PCM1: variants seen among roughly 807,000 people sequenced by gnomAD.
The protein encoded by PCM1 is pericentriolar material 1.
PCM1 carries 157 observed loss-of-function variants against 241.9 expected under a neutral mutation model. That is an observed-to-expected ratio of 0.65 (90% confidence interval 0.57 to 0.74). PCM1 has a LOEUF of 0.74. Ranked by LOEUF, PCM1 falls within the 30% of genes least tolerant of loss-of-function variation. PCM1 has a pLI of 0.00. For missense variants in PCM1, 3,478 were observed against 2,360.1 expected, an observed-to-expected ratio of 1.47 and a Z score of -9.81; for synonymous variants, 1,085 against 784.9, an observed-to-expected ratio of 1.38 and a Z score of -6.39.
At chr8:18,013,288 G>T (rs1274971154) in intron 34 of PCM1, among the ~76,000 whole-genome samples, 1 of 152,116 alleles carries the variant, frequency 6.6e-6, no homozygotes, top group Non-Finnish European at 1.5e-5. Context: ...TGGTGCAAAA[G>T]TAATTGTGGT....
chr8:18,007,310 G>A (rs1007506265), intron 30 of PCM1, among the ~76,000 whole-genome samples: 1 of 152,084 alleles, frequency 6.6e-6, no homozygotes, highest in Non-Finnish European at 1.5e-5. Context: ...CCTTGGGCTT[G>A]ATGCAAATTT....
chr8:17,966,317 T>C lies in PCM1; in HGVS notation c.3076-11T>C, dbSNP rs1258161348. On this transcript the variant is annotated splice_polypyrimidine_tract_variant and intron_variant, in intron 19 of 38. Coordinates refer to ENST00000325083, the MANE Select transcript of PCM1 (RefSeq NM_006197.4). Reference sequence around the variant, plus strand: ...CATCAGTAACTATTAACAAACATTTTCTTTCAATAGACTCTATCTTGTCTG... The same window carrying C: ...CATCAGTAACTATTAACAAACATTTCCTTTCAATAGACTCTATCTTGTCTG... 4 of 1,612,966 alleles carry C rather than the reference T, an allele frequency of 2.5e-6. No homozygotes were observed. The highest frequency in any genetic ancestry group is 1.3e-5 in the African/African-American group (1 of 74,924).
intron 36 of PCM1, chr8:18,025,151 T>G (rs75894561): frequency 1.6e-4 from 36 of 225,756 alleles, no homozygotes; most frequent in Non-Finnish European, 2.6e-4. Flanking sequence ...TTTTTTTTTT[T>G]TGTGACAAAA....
Position 18,011,661 on chromosome 8 carries a change from A to C in PCM1, c.5351-6A>C, listed in dbSNP as rs775313232. The C allele has an allele frequency of 6.3e-7, 1 of 1,599,190 alleles. No individual in the cohort carries two copies. The highest frequency in any genetic ancestry group is 8.5e-7 in the Non-Finnish European group (1 of 1,172,700). ...TTTACTAAAAATTGTGTATTAATCA[A>C]CTTAGATTTGTCTAAAGCTGAAACT... On this transcript the variant is annotated splice_polypyrimidine_tract_variant and splice_region_variant and intron_variant, in intron 33 of 38. Coordinates refer to ENST00000325083, the MANE Select transcript of PCM1 (RefSeq NM_006197.4).
At position 17,960,164 on chromosome 8, in the gene PCM1, A is replaced by G. The variant is rs780927381; in HGVS notation, c.2191A>G (p.Arg731Gly). ...QKDTGVNEKA[R>G]EKFYEAKLQQ... is the part of the protein sequence containing the mutation. ...AGATACTGGAGTAAATGAAAAGGCA[A>G]GGTATGTTAAGCTTTTGGCCTTCAT... Residue 731 changes from arginine to glycine, a missense_variant and splice_region_variant, in exon 14 of 39, where the codon AGA becomes GGA. Arg to Gly is a moderately radical substitution (Grantham distance 125). Coordinates refer to ENST00000325083, the MANE Select transcript of PCM1 (RefSeq NM_006197.4). 4.5e-6 allele frequency: 7 copies of G among 1,563,608 alleles called. No homozygotes were observed. The highest frequency in any genetic ancestry group is 5.2e-6 in the Non-Finnish European group (6 of 1,156,354).
intron 24 of PCM1, among the ~76,000 whole-genome samples, chr8:17,983,759 C>G (rs2081724320): frequency 6.6e-6 from 1 of 152,100 alleles, no homozygotes; most frequent in South Asian, 2.1e-4. Flanking sequence ...ATTTTAGTCT[C>G]TAATATAAGT....
At chr8:18,018,827 T>TAG (rs2093470758) in intron 36 of PCM1, among the ~76,000 whole-genome samples, 2 of 65,956 alleles carry the variant, frequency 3.0e-5, no homozygotes, top group Non-Finnish European at 6.0e-5. Context: ...AAAAAATATG[T>TAG]ATATATATAT....
chr8:17,985,767 A>G (rs955736910), intron 25 of PCM1, 148 bp downstream of exon 25: 10 of 790,554 alleles, frequency 1.3e-5, no homozygotes, highest in Middle Eastern at 3.1e-4. Context: ...AAATTTTTGT[A>G]TAGCTTAAGT....
chr8:17,975,376 T>G (rs2078382043), intron 23 of PCM1, among the ~76,000 whole-genome samples: 1 of 152,124 alleles, frequency 6.6e-6, no homozygotes, highest in African/African-American at 2.4e-5. Context: ...TTGGTCAGGC[T>G]AGTCTTGAAC....
At chr8:17,937,976 C>T (rs1397936720) in intron 4 of PCM1, among the ~76,000 whole-genome samples, 1 of 152,048 alleles carries the variant, frequency 6.6e-6, no homozygotes, top group Non-Finnish European at 1.5e-5. Context: ...TTATTGAACA[C>T]TTAACTGTAT....
intron 15 of PCM1, among the ~76,000 whole-genome samples, chr8:17,961,472 G>A (rs986285107): frequency 1.9e-4 from 29 of 151,930 alleles, no homozygotes; most frequent in African/African-American, 6.3e-4. Flanking sequence ...CACCACGCCC[G>A]GCTAATTTTT....
At chr8:17,980,285 G>A (rs1417523464) in intron 23 of PCM1, 1 of 203,240 alleles carries the variant, frequency 4.9e-6, no homozygotes, top group South Asian at 1.9e-4. Flanking sequence ...ATTAAAAATT[G>A]CTAACTTGGA....
chr8:17,940,401 A>G (rs530380825), intron 6 of PCM1, among the ~76,000 whole-genome samples: 2 of 152,316 alleles, frequency 1.3e-5, no homozygotes, highest in Non-Finnish European at 2.9e-5. Flanking sequence ...TTCAGTTTAT[A>G]GAAACATTGT....
chr8:18,023,704 G>T (rs1344983589), intron 36 of PCM1, among the ~76,000 whole-genome samples: 2 of 152,118 alleles, frequency 1.3e-5, no homozygotes, highest in African/African-American at 4.8e-5. Flanking sequence ...TTGCTTAGAG[G>T]GATCTTTAAG....
rs113923765 is a variant in PCM1, at chr8:18,017,509, C to T, written c.5841+2669C>T. Among the ~76,000 whole-genome samples the T allele has an allele frequency of 8.1e-3, 1,227 of 152,224 alleles. 12 individuals are homozygous for T. Among genetic ancestry groups the T allele is most frequent in the African/African-American group, 0.028 (1,170 of 41,526 alleles). On this transcript the variant is annotated intron_variant, in intron 36 of 38. Coordinates refer to ENST00000325083, the MANE Select transcript of PCM1 (RefSeq NM_006197.4). ...AAAGAGTCTCCACGCTTGACCAGTC[C>T]TCTAATGGACCTACCTGTGTTGGGC... is the stretch of plus-strand genomic sequence containing the variant.
intron 36 of PCM1, among the ~76,000 whole-genome samples, chr8:18,017,168 TC>T (rs3835343): frequency 0.66 from 100,513 of 152,036 alleles, 34,018 homozygotes; most frequent in Non-Finnish European, 0.74. Context: ...CTAGAAGCTA[TC>T]CCCATGGTCT....
At chr8:17,923,371 C>G (rs1160169164) in intron 1 of PCM1, among the ~76,000 whole-genome samples, 183 bp downstream of exon 1, 1 of 152,222 alleles carries the variant, frequency 6.6e-6, no homozygotes, top group Non-Finnish European at 1.5e-5. Flanking sequence ...CGCCCGCTCC[C>G]TCAGGACTGA....
Position 18,006,311 on chromosome 8 carries a change from C to T in PCM1, c.4876C>T (p.Arg1626Cys), listed in dbSNP as rs774178151. ...CSSQLLTSVR[R>C]MVLTLTQQND... ...CTCGCAGCTTCTAACTTCAGTAAGG[C>T]GCATGGTTTTGACCCTTACCCAGCA... The change falls in exon 30 of 39, where the codon CGC (arginine) becomes TGC (cysteine). Residue 1626 changes from arginine (R) to cysteine (C), a missense_variant. Physicochemically the swap from Arg to Cys is radical, Grantham distance 180. Transcript: ENST00000325083. 7.5e-6 allele frequency: 12 copies of T among 1,610,608 alleles called. No homozygotes were observed. Among genetic ancestry groups the T allele is most frequent in the South Asian group, 3.3e-5 (3 of 90,966 alleles).
At chr8:17,936,694 T>A (rs2060530392) in intron 3 of PCM1, among the ~76,000 whole-genome samples, 1 of 152,120 alleles carries the variant, frequency 6.6e-6, no homozygotes, top group Non-Finnish European at 1.5e-5. Flanking sequence ...CAGTGGAGTG[T>A]TTTTTCAGAA....
Sources: gnomAD v4.1 joint callset for allele counts (sites outside exome capture counted in the v4.1 genomes callset) on GRCh38, gnomAD v4.1.1 for gene constraint, MANE v1.5 for transcripts, NCBI Gene and HGNC (gene_info 2026-07-23, HGNC 2026-07-21) for gene names.